Variants in PIGB observed in about 807,000 individuals in gnomAD.
PIGB encodes the protein phosphatidylinositol glycan anchor biosynthesis class B, also known as GPI alpha-1,2-mannosyltransferase 3.
A neutral mutation model predicts 68.4 loss-of-function variants in PIGB; 58 were observed. That is an observed-to-expected ratio of 0.85 (90% CI 0.69 to 1.06). The LOEUF (loss-of-function observed/expected upper bound fraction) is 1.06, where lower values mean the gene tolerates loss of function less well. Among genes scored for constraint, PIGB ranks in the 50% least tolerant of loss-of-function variants. PIGB has a pLI of 0.00. For missense variants in PIGB, 634 were observed against 655.8 expected (o/e 0.97, Z 0.36); for synonymous variants, 219 against 220.5 (o/e 0.99, Z 0.06).
chr15:55,322,058 C>T (rs117740633), intron 3 of PIGB, among the ~76,000 whole-genome samples: 4,894 of 151,890 alleles, frequency 0.032, 85 homozygotes, highest in Non-Finnish European at 0.041. Context: ...CCTGTAATCT[C>T]AGACTTTCTG....
At position 55,340,807 on chromosome 15, in the gene PIGB, A is replaced by G. The variant is rs772090511; in HGVS notation, c.1042A>G (p.Thr348Ala). 9 of 1,598,818 alleles carry G rather than the reference A, an allele frequency of 5.6e-6. No homozygotes were observed. In the East Asian group the frequency reaches 9.0e-5, roughly 16 times the overall value. Reference protein sequence around the residue: ...YRILLVTVLWTLLVYSMLSHK... With the variant: ...YRILLVTVLWALLVYSMLSHK... ...GATACTTTTGGTGACTGTGCTGTGG[A>G]CACTGCTTGTTTATAGGTAAGATTT... Residue 348 changes from threonine (T) to alanine (A), a missense_variant, in exon 8 of 12, where the codon ACA becomes GCA. Physicochemically the swap from Thr to Ala is moderately conservative, Grantham distance 58. Transcript: ENST00000164305.
chr15:55,344,068 T>A (rs1293059576), intron 9 of PIGB, among the ~76,000 whole-genome samples: 1 of 152,250 alleles, frequency 6.6e-6, no homozygotes, highest in Admixed American at 6.5e-5. Context: ...CTGCTTTGTG[T>A]GACTTGTTTT....
chr15:55,338,501 C>T (rs2055588215), intron 6 of PIGB, among the ~76,000 whole-genome samples: 1 of 151,904 alleles, frequency 6.6e-6, no homozygotes, highest in African/African-American at 2.4e-5. Flanking sequence ...AAAAATTATC[C>T]AGTCATGGCG....
chr15:55,325,484 G>C (rs2055260331), intron 3 of PIGB, among the ~76,000 whole-genome samples: 1 of 151,970 alleles, frequency 6.6e-6, no homozygotes. Context: ...AGAGATGCTA[G>C]TGCATAGCAT....
rs187145110 is a variant in PIGB, at chr15:55,341,378, A to T, written c.1059-360A>T. ...CCTGTCTCAGTCAATCAGTCAATCA[A>T]TACTACCAAAATTTTAAATTGAAGG... is the stretch of plus-strand genomic sequence containing the variant. On this transcript the variant is annotated intron_variant, in intron 8 of 11. Coordinates refer to ENST00000164305, the MANE Select transcript of PIGB (RefSeq NM_004855.5). Among the ~76,000 whole-genome samples the T allele has an allele frequency of 2.6e-5, 4 of 152,112 alleles. No homozygotes were observed. In the East Asian group the frequency reaches 7.7e-4, roughly 29 times the overall value.
rs1380068702 is a variant in PIGB, at chr15:55,321,154, C to G, written c.300-119C>G. ...GTGGTGTGCACCTGTAGAGGCAGGA[C>G]CACTTGAGCCCAAGTTTGAGACCAG... On this transcript the variant is annotated intron_variant, in intron 2 of 11. Coordinates refer to ENST00000164305, the MANE Select transcript of PIGB (RefSeq NM_004855.5). The G allele has an allele frequency of 1.2e-5, 9 of 740,916 alleles. 1 individual carries two copies. Among genetic ancestry groups the G allele is most frequent in the Non-Finnish European group, 1.8e-5 (9 of 488,228 alleles). 45.9% of individuals were successfully genotyped at this position (740,916 alleles called of 1,614,324 possible). A position where few individuals can be genotyped will look rare whatever the true frequency, so the allele number is the denominator to read the frequency against.
chr15:55,336,643 G>A (rs186276577), intron 6 of PIGB, among the ~76,000 whole-genome samples: 54 of 152,282 alleles, frequency 3.5e-4, no homozygotes, highest in South Asian at 3.5e-3. Flanking sequence ...TTGAAAAATC[G>A]TAGGTTGAAT....
intron 9 of PIGB, among the ~76,000 whole-genome samples, chr15:55,347,544 T>G (rs1157838871): frequency 1.3e-5 from 2 of 152,238 alleles, no homozygotes; most frequent in Non-Finnish European, 2.9e-5. Context: ...TGACATGTAG[T>G]AAGGCTCCCA....
chr15:55,329,612 C>T (rs1025573875), intron 4 of PIGB, 112 bp from the exon 5 acceptor site: 19 of 856,908 alleles, frequency 2.2e-5, no homozygotes, highest in Non-Finnish European at 7.1e-6. Flanking sequence ...ACATCATCTA[C>T]CTTTTGATGT....
intron 5 of PIGB, among the ~76,000 whole-genome samples, chr15:55,332,249 A>G (rs777281842): frequency 6.6e-6 from 1 of 152,210 alleles, no homozygotes; most frequent in African/African-American, 2.4e-5. Context: ...CTGGGATTAC[A>G]GGCGTGAGTC....
At chr15:55,340,027 C>T (rs1343379071) in intron 7 of PIGB, 2 of 152,136 alleles carry the variant, frequency 1.3e-5, no homozygotes, top group African/African-American at 4.8e-5. Flanking sequence ...AATAAAAACA[C>T]AAACTTAGAC....
intron 5 of PIGB, among the ~76,000 whole-genome samples, chr15:55,330,867 T>G (rs1039794516): frequency 3.9e-5 from 6 of 152,198 alleles, no homozygotes; most frequent in African/African-American, 1.4e-4. Context: ...CTCTCTTAAC[T>G]ACAAGAAAAA....
intron 7 of PIGB, chr15:55,340,301 A>T (rs936106554): frequency 3.2e-4 from 54 of 168,520 alleles, no homozygotes; most frequent in African/African-American, 1.2e-3. Context: ...CTAAAAATAG[A>T]AAAAATTAGC....
rs1167871755 is a variant in PIGB at position 55,340,734 on chromosome 15, C to T, written c.969C>T (p.His323=). ...GATTTCCAGTTATCTTGGGTACTCA[C>T]TTACCCTTCTTTATTCATGGCTGCT... ...SQGFPVILGT[H]LPFFIHGCYL... The change falls in exon 8 of 12, where the codon CAC becomes CAT. Residue 323 remains histidine, a synonymous_variant. Coordinates refer to ENST00000164305, the MANE Select transcript of PIGB (RefSeq NM_004855.5). 1.9e-6 allele frequency: 3 copies of T among 1,610,424 alleles called. No homozygotes were observed. Among genetic ancestry groups the T allele is most frequent in the East Asian group, 2.2e-5 (1 of 44,824 alleles).
chr15:55,351,406 C>T (rs28636865), intron 10 of PIGB, among the ~76,000 whole-genome samples: 33,563 of 151,622 alleles, frequency 0.22, 4,177 homozygotes, highest in East Asian at 0.54. Flanking sequence ...CGTGCTCGGC[C>T]GTAAACTTTA....
intron 9 of PIGB, chr15:55,349,551 T>C (rs1003709924): frequency 3.3e-5 from 5 of 152,220 alleles, no homozygotes; most frequent in African/African-American, 9.6e-5. Context: ...TTTCTTAATC[T>C]TGCTACATTT....
intron 6 of PIGB, among the ~76,000 whole-genome samples, chr15:55,335,189 A>G (rs1398860603): frequency 1.3e-5 from 2 of 152,206 alleles, no homozygotes; most frequent in Non-Finnish European, 2.9e-5. Flanking sequence ...GCACTCTATG[A>G]TGTTTGCACA....
intron 5 of PIGB, among the ~76,000 whole-genome samples, chr15:55,330,575 T>C (rs571957255): frequency 1.3e-5 from 2 of 152,212 alleles, no homozygotes; most frequent in South Asian, 4.1e-4. Flanking sequence ...TTATAGAGTG[T>C]TGTAGGATGC....
intron 4 of PIGB, among the ~76,000 whole-genome samples, chr15:55,327,859 GA>G (rs1162505463): frequency 6.6e-6 from 1 of 152,168 alleles, no homozygotes. Flanking sequence ...CAAACCCTAT[GA>G]GAGTCTAAAC....
Sources: gnomAD v4.1 joint callset for allele counts (sites outside exome capture counted in the v4.1 genomes callset) on GRCh38, gnomAD v4.1.1 for gene constraint, MANE v1.5 for transcripts, NCBI Gene and HGNC (gene_info 2026-07-23, HGNC 2026-07-21) for gene names.